STAR: variants seen among roughly 807,000 people sequenced by gnomAD.
STAR encodes the protein steroidogenic acute regulatory protein, mitochondrial.
STAR carries 32 observed loss-of-function variants against 32.3 expected under a neutral mutation model. That is an observed-to-expected ratio of 0.99 (90% CI 0.75 to 1.33). The LOEUF is 1.33. Ranked by LOEUF, STAR falls within the 40% of genes most tolerant of loss-of-function variation. The pLI is 0.00. For missense variants in STAR, 375 were observed against 379.0 expected (o/e 0.99, Z 0.09); for synonymous variants, 134 against 140.5 (o/e 0.95, Z 0.33).
Position 38,146,355 on chromosome 8 carries a change from G to C in STAR, c.399C>G (p.Leu133=). 1 of 1,614,118 alleles carries C rather than the reference G, an allele frequency of 6.2e-7. No individual in the cohort carries two copies. Among genetic ancestry groups the C allele is most frequent in the South Asian group, 1.1e-5 (1 of 91,084 alleles). Residue 133 remains leucine, a synonymous_variant, in exon 4 of 7, where the codon CTC becomes CTG. Transcript: ENST00000276449. ...EVVVDQPMER[L]YEELVERMEA... is the part of the protein sequence containing the mutation. The stretch of plus-strand genomic sequence containing the variant: ...CCATGCGCTCCACGAGCTCTTCATA[G>C]AGCCTCTCCATGGGCTGGTCCACCA...
Position 38,146,374 on chromosome 8 carries a change from T to A in STAR, c.380A>T (p.Asp127Val), listed in dbSNP as rs1158674440. The A allele has an allele frequency of 6.2e-7, 1 of 1,614,010 alleles. No homozygotes were observed. The highest frequency in any genetic ancestry group is 8.5e-7 in the Non-Finnish European group (1 of 1,180,046). The change falls in exon 4 of 7, where the codon GAC becomes GTC. Residue 127 changes from aspartate to valine, a missense_variant. Physicochemically the swap from Asp to Val is radical, Grantham distance 152 (BLOSUM62 -3). Coordinates refer to ENST00000276449, the MANE Select transcript of STAR (RefSeq NM_000349.3). ...GKVFRLEVVV[D>V]QPMERLYEEL... ...TTCATAGAGCCTCTCCATGGGCTGG[T>A]CCACCACGACCTCCAGCCGGAACAC...
intron 4 of STAR, 55 bp from the exon 5 acceptor site, chr8:38,146,202 C>T (rs1005601348): frequency 1.2e-6 from 2 of 1,613,306 alleles, no homozygotes; most frequent in Non-Finnish European, 1.7e-6. Context: ...GGCTAAGCAC[C>T]CCCCACAGCT....
chr8:38,147,520 C>T (rs925089065), intron 3 of STAR, among the ~76,000 whole-genome samples: 2 of 152,230 alleles, frequency 1.3e-5, no homozygotes, highest in Admixed American at 6.5e-5. Flanking sequence ...CCCAGGGACC[C>T]TTAACTAAGA....
At position 38,142,914 on chromosome 8, in the gene STAR, G is replaced by A. The variant is rs374525381; in HGVS notation, c.*1359C>T. Among the ~76,000 whole-genome samples, 4 of 152,142 alleles carry A rather than the reference G, an allele frequency of 2.6e-5. No homozygotes were observed. Among genetic ancestry groups the A allele is most frequent in the East Asian group, 3.9e-4 (2 of 5,194 alleles). Reference sequence around the variant, plus strand: ...AATACTAAACTTTTAGCCTGTTTAAGCAGAGAAGTTGCCAGCCCCAAACAA... The same window carrying A: ...AATACTAAACTTTTAGCCTGTTTAAACAGAGAAGTTGCCAGCCCCAAACAA... On this transcript the variant is annotated 3_prime_UTR_variant, in exon 7 of 7. Transcript: ENST00000276449.
At chr8:38,150,608 C>A in intron 1 of STAR, 147 bp downstream of exon 1, 1 of 1,289,672 alleles carries the variant, frequency 7.8e-7, no homozygotes, top group South Asian at 1.3e-5. Context: ...CCCACTTCTT[C>A]CGAGGGGAAA....
At chr8:38,148,982 G>C (rs545982500) in intron 1 of STAR, 5 of 554,114 alleles carry the variant, frequency 9.0e-6, no homozygotes, top group African/African-American at 7.6e-5. Flanking sequence ...GGTCAGGCCT[G>C]GCCCTGCCTG....
At chr8:38,147,003 T>A (rs1802586830) in intron 3 of STAR, among the ~76,000 whole-genome samples, 1 of 151,532 alleles carries the variant, frequency 6.6e-6, no homozygotes, top group Non-Finnish European at 1.5e-5. Flanking sequence ...TTGTTTTTTT[T>A]TTTTGAGACC....
At position 38,148,218 on chromosome 8, in the gene STAR, C is replaced by T; in HGVS notation, c.288G>A (p.Trp96Ter). ...CACTTACCTGCTGACTCTCCTTCTT[C>T]CAGCCCTCTTGGTTGCTAAGGATGC... ...ALGILSNQEGWKKESQQDNGD... is the reference protein window; with the variant it reads ...ALGILSNQEG Residue 96 changes from tryptophan (W) to a stop codon, truncating the protein, a stop_gained, in exon 3 of 7, where the codon TGG becomes TGA. Transcript: ENST00000276449. LOFTEE classifies it high-confidence loss of function. 1 of 1,614,092 alleles carries T rather than the reference C, an allele frequency of 6.2e-7. No homozygotes were observed. The highest frequency in any genetic ancestry group is 1.1e-5 in the South Asian group (1 of 91,078).
intron 1 of STAR, among the ~76,000 whole-genome samples, chr8:38,149,632 C>G (rs1802634522): frequency 6.6e-6 from 1 of 152,178 alleles, no homozygotes; most frequent in South Asian, 2.1e-4. Flanking sequence ...CTGTGTACCC[C>G]TGCTACAAGA....
chr8:38,146,518 C>T, intron 3 of STAR, 71 bp from the exon 4 acceptor site: 1 of 1,554,742 alleles, frequency 6.4e-7, no homozygotes, highest in South Asian at 1.1e-5. Flanking sequence ...TGGTTCACGC[C>T]TATAATCCCA....
rs1238368589 is a variant in STAR, at chr8:38,145,281, G to A, written c.685C>T (p.Pro229Ser). 2 of 1,614,054 alleles carry A rather than the reference G, an allele frequency of 1.2e-6. No individual in the cohort carries two copies. Among genetic ancestry groups the A allele is most frequent in the Non-Finnish European group, 1.7e-6 (2 of 1,180,038 alleles). ...GTCTTAGAGGGACTTCCAGCCAACG[G>A]GTGAAGCACCATGCAAGTGGGACCG... ...EHGPTCMVLHPLAGSPSKTKL... is the reference protein window; with the variant it reads ...EHGPTCMVLHSLAGSPSKTKL... Residue 229 changes from proline to serine, a missense_variant, in exon 6 of 7, where the codon CCG (proline) becomes TCG (serine). Transcript: ENST00000276449.
chr8:38,148,379 C>T (rs750462900), intron 2 of STAR, 52 bp from the exon 3 acceptor site: 2 of 1,610,342 alleles, frequency 1.2e-6, no homozygotes, highest in African/African-American at 1.3e-5. Context: ...CCAGCCTCCA[C>T]CAGCTCTCAT....
At chr8:38,146,578 C>G in intron 3 of STAR, 131 bp from the exon 4 acceptor site, 3 of 956,544 alleles carry the variant, frequency 3.1e-6, no homozygotes, top group East Asian at 2.7e-5. Context: ...GAGTTCGAGA[C>G]CAGCCTGGCC....
At position 38,144,172 on chromosome 8, in the gene STAR, AC is replaced by A; in HGVS notation, c.*100del. 8.0e-7 allele frequency: 1 copy of A among 1,252,452 alleles called. No individual in the cohort carries two copies. Among genetic ancestry groups the A allele is most frequent in the Non-Finnish European group, 1.1e-6 (1 of 886,482 alleles). 77.6% of individuals were successfully genotyped at this position (1,252,452 alleles called of 1,614,324 possible). A position where few individuals can be genotyped will look rare whatever the true frequency, so the allele number is the denominator to read the frequency against. On this transcript the variant is annotated 3_prime_UTR_variant, in exon 7 of 7. Coordinates refer to ENST00000276449, the MANE Select transcript of STAR (RefSeq NM_000349.3). The stretch of plus-strand genomic sequence containing the variant: ...CACGAACCCCACCCATCCCACTGTC[AC>A]CAGATGGAGATCTTAGACTTGCAGG...
intron 3 of STAR, among the ~76,000 whole-genome samples, chr8:38,147,588 C>T (rs1423372243): frequency 6.6e-6 from 1 of 152,236 alleles, no homozygotes; most frequent in Non-Finnish European, 1.5e-5. Context: ...AACTCCATTA[C>T]TCTGAGAACT....
At chr8:38,145,616 C>G (rs1802554700) in intron 5 of STAR, 1 of 558,582 alleles carries the variant, frequency 1.8e-6, no homozygotes, top group Non-Finnish European at 3.2e-6. Flanking sequence ...TTGGGAAATT[C>G]AGGAGGCTGT....
At chr8:38,147,172 G>C (rs1373950810) in intron 3 of STAR, among the ~76,000 whole-genome samples, 1 of 151,960 alleles carries the variant, frequency 6.6e-6, no homozygotes, top group East Asian at 1.9e-4. Flanking sequence ...ATTTTTTGTA[G>C]AGATGTGATC....
At chr8:38,149,531 C>G (rs1382486168) in intron 1 of STAR, among the ~76,000 whole-genome samples, 2 of 152,148 alleles carry the variant, frequency 1.3e-5, no homozygotes, top group Non-Finnish European at 2.9e-5. Flanking sequence ...ACCTTGCCCT[C>G]CTGTCTTACT....
In STAR at chr8:38,142,788, T is replaced by C. The variant is rs916930787; in HGVS notation, c.*1485A>G. Among the ~76,000 whole-genome samples the C allele has an allele frequency of 3.9e-5, 6 of 152,112 alleles. No individual in the cohort carries two copies. The highest frequency in any genetic ancestry group is 1.4e-4 in the African/African-American group (6 of 41,410). Reference sequence around the variant, plus strand: ...TGCCTGCCTTGGCCTCCCAAAGTGCTGAGATTACAGGCGGGAGCCACCTCA... The same window carrying C: ...TGCCTGCCTTGGCCTCCCAAAGTGCCGAGATTACAGGCGGGAGCCACCTCA... On this transcript the variant is annotated 3_prime_UTR_variant, in exon 7 of 7. Transcript: ENST00000276449.
Sources: gnomAD v4.1 joint callset for allele counts (sites outside exome capture counted in the v4.1 genomes callset) on GRCh38, gnomAD v4.1.1 for gene constraint, MANE v1.5 for transcripts, NCBI Gene and HGNC (gene_info 2026-07-23, HGNC 2026-07-21) for gene names.